ENTHD1: variants seen among roughly 807,000 people sequenced by gnomAD.
ENTHD1 encodes the protein ENTH domain containing 1.
ENTHD1 carries 23 observed loss-of-function variants against 39.1 expected under a neutral mutation model. That is an observed-to-expected ratio of 0.59 (90% confidence interval 0.42 to 0.83). The LOEUF (loss-of-function observed/expected upper bound fraction) is 0.83, where lower values mean the gene tolerates loss of function less well. Ranked by LOEUF, ENTHD1 falls within the 40% of genes least tolerant of loss-of-function variation. The pLI is 0.00. For missense variants in ENTHD1, 624 were observed against 705.4 expected (o/e 0.88, Z 1.31); for synonymous variants, 230 against 258.2 (o/e 0.89, Z 1.05).
At chr22:39,835,319 A>C (rs997280846) in intron 4 of ENTHD1, among the ~76,000 whole-genome samples, 1 of 152,108 alleles carries the variant, frequency 6.6e-6, no homozygotes, top group Admixed American at 6.6e-5. Flanking sequence ...TCATAGTAAG[A>C]ATTCTTTTTA....
At chr22:39,756,839 A>G (rs1221678155) in intron 6 of ENTHD1, among the ~76,000 whole-genome samples, 4 of 152,192 alleles carry the variant, frequency 2.6e-5, no homozygotes, top group Non-Finnish European at 4.4e-5. Context: ...ATACAAAAAT[A>G]TATGTACAAT....
intron 6 of ENTHD1, among the ~76,000 whole-genome samples, chr22:39,756,563 C>T (rs750301280): frequency 6.6e-6 from 1 of 152,048 alleles, no homozygotes; most frequent in Non-Finnish European, 1.5e-5. Context: ...GAACTCCTGA[C>T]CTCAAGTGAT....
chr22:39,803,258 T>C (rs2065613786), intron 5 of ENTHD1, among the ~76,000 whole-genome samples: 1 of 151,864 alleles, frequency 6.6e-6, no homozygotes, highest in Admixed American at 6.6e-5. Context: ...AAACTAACCT[T>C]TTCTCCATAA....
chr22:39,813,718 G>A (rs1279783362), intron 5 of ENTHD1, among the ~76,000 whole-genome samples: 1 of 151,946 alleles, frequency 6.6e-6, no homozygotes, highest in Non-Finnish European at 1.5e-5. Context: ...AGCATGGTAT[G>A]GTAAGAAAAC....
chr22:39,835,610 C>G (rs891148135), intron 4 of ENTHD1, among the ~76,000 whole-genome samples: 8 of 152,062 alleles, frequency 5.3e-5, no homozygotes, highest in Non-Finnish European at 8.8e-5. Flanking sequence ...AGCACAATTT[C>G]TCTTGGAACA....
chr22:39,744,323 T>A lies in ENTHD1; in HGVS notation c.1220-40A>T, dbSNP rs750977073. The A allele has an allele frequency of 6.6e-6, 10 of 1,521,302 alleles. No individual in the cohort carries two copies. In the South Asian group the frequency reaches 1.3e-4, roughly 20 times the overall value. The allele number at this position is 1,521,302 out of a possible 1,614,324, so 94.2% of individuals were successfully genotyped here. Reference sequence around the variant, plus strand: ...TGAGAGAAAAAAGATTTATGCAACATACAAATGAGAGTAATAGCTAAAATA... The same window carrying A: ...TGAGAGAAAAAAGATTTATGCAACAAACAAATGAGAGTAATAGCTAAAATA... On this transcript the variant is annotated intron_variant, in intron 6 of 6. Transcript: ENST00000325157.
intron 5 of ENTHD1, among the ~76,000 whole-genome samples, chr22:39,768,677 T>A (rs2065297716): frequency 6.6e-6 from 1 of 152,150 alleles, no homozygotes; most frequent in Non-Finnish European, 1.5e-5. Context: ...GCATCATGCT[T>A]TTGCATATAG....
At chr22:39,833,696 A>G (rs1386071057) in intron 4 of ENTHD1, among the ~76,000 whole-genome samples, 3 of 151,918 alleles carry the variant, frequency 2.0e-5, no homozygotes, top group Non-Finnish European at 2.9e-5. Context: ...AGATATAAAG[A>G]TAGAGAATTA....
chr22:39,873,059 A>C (rs2066257188), intron 2 of ENTHD1, among the ~76,000 whole-genome samples: 1 of 151,850 alleles, frequency 6.6e-6, no homozygotes, highest in Non-Finnish European at 1.5e-5. Context: ...TCCTGACCTC[A>C]GGAAATCCTC....
chr22:39,856,852 C>CAAA (rs34627331), intron 3 of ENTHD1, among the ~76,000 whole-genome samples: 10 of 70,300 alleles, frequency 1.4e-4, no homozygotes, highest in South Asian at 5.8e-4. Context: ...GACCCTGTCT[C>CAAA]AAAAAAAAAA....
At chr22:39,802,955 G>A (rs2065610549) in intron 5 of ENTHD1, among the ~76,000 whole-genome samples, 1 of 152,090 alleles carries the variant, frequency 6.6e-6, no homozygotes, top group African/African-American at 2.4e-5. Flanking sequence ...CCTCGGTCAC[G>A]GTCACTTGGA....
intron 5 of ENTHD1, among the ~76,000 whole-genome samples, chr22:39,812,001 A>G (rs1374239455): frequency 7.9e-5 from 2 of 25,250 alleles, no homozygotes; most frequent in Admixed American, 1.2e-3. Context: ...AACAAAAACA[A>G]ACAAACAAAC....
At chr22:39,820,077 G>A (rs2065769793) in intron 5 of ENTHD1, among the ~76,000 whole-genome samples, 1 of 152,062 alleles carries the variant, frequency 6.6e-6, no homozygotes. Flanking sequence ...CCAATTTCTT[G>A]TTTTTGTGTT....
intron 5 of ENTHD1, among the ~76,000 whole-genome samples, chr22:39,811,387 G>A (rs2065684691): frequency 1.3e-5 from 2 of 152,222 alleles, no homozygotes; most frequent in African/African-American, 2.4e-5. Context: ...CCAAGGGTAA[G>A]GGAAGTGCCT....
rs140295495 is a variant in ENTHD1 at position 39,748,569 on chromosome 22, C to T, written c.1220-4286G>A. Among the ~76,000 whole-genome samples, 22 of 151,584 alleles carry T rather than the reference C, an allele frequency of 1.5e-4. No individual in the cohort carries two copies. In the East Asian group the frequency reaches 3.5e-3, roughly 24 times the overall value. On this transcript the variant is annotated intron_variant, in intron 6 of 6. Coordinates refer to ENST00000325157, the MANE Select transcript of ENTHD1 (RefSeq NM_152512.4). The stretch of plus-strand genomic sequence containing the variant: ...ACGAGTAGCTGGAATTGCAGGTGCC[C>T]GTCACCACGCCCGGCTATTTTTTTT...
chr22:39,780,779 A>G (rs959559047), intron 5 of ENTHD1, among the ~76,000 whole-genome samples: 6 of 152,174 alleles, frequency 3.9e-5, no homozygotes, highest in Admixed American at 3.3e-4. Context: ...CAGGCACATC[A>G]TGAGGTCAGG....
At position 39,835,002 on chromosome 22, in the gene ENTHD1, T is replaced by C. The variant is rs2065897484; in HGVS notation, c.711+838A>G. 2.6e-5 allele frequency among the ~76,000 whole-genome samples: 4 copies of C among 152,132 alleles called. 1 individual carries two copies. In the South Asian group the frequency reaches 8.3e-4, roughly 31 times the overall value. ...TGGGTAGCACGAGGCACTTCTTTTG[T>C]GGTGATGGAACAGTTCTATCTCTTC... On this transcript the variant is annotated intron_variant, in intron 4 of 6. Coordinates refer to ENST00000325157, the MANE Select transcript of ENTHD1 (RefSeq NM_152512.4).
intron 5 of ENTHD1, among the ~76,000 whole-genome samples, chr22:39,774,077 G>A (rs1342406660): frequency 1.3e-5 from 2 of 152,146 alleles, no homozygotes; most frequent in Non-Finnish European, 2.9e-5. Context: ...CAGAACCAGG[G>A]CTGGCAGACG....
chr22:39,872,617 T>C (rs2066252906), intron 2 of ENTHD1, among the ~76,000 whole-genome samples: 1 of 152,194 alleles, frequency 6.6e-6, no homozygotes. Context: ...TAGTTCTTAG[T>C]CTAAGATATT....
Sources: allele counts gnomAD v4.1 joint callset (sites outside exome capture counted in the v4.1 genomes callset), GRCh38; gene constraint gnomAD v4.1.1; transcripts MANE v1.5; gene names NCBI Gene and HGNC (gene_info 2026-07-23, HGNC 2026-07-21).